Variants in ANKRD30B observed in about 807,000 individuals in gnomAD.
ANKRD30B encodes ankyrin repeat domain 30B.
Under a neutral mutation model 202.2 loss-of-function variants are expected in ANKRD30B, and 144 were observed. The ratio of observed to expected loss-of-function variants is 0.71; its 90% confidence interval spans 0.62 to 0.82. The LOEUF (loss-of-function observed/expected upper bound fraction) is 0.82. ANKRD30B is among the 40% of genes least tolerant of loss of function. ANKRD30B has a pLI of 0.00. For missense variants in ANKRD30B, 1,487 were observed against 1,669.1 expected, an observed-to-expected ratio of 0.89 and a Z score of 1.90; for synonymous variants, 508 against 561.3, an observed-to-expected ratio of 0.91 and a Z score of 1.34.
chr18:14,754,315 A>G (rs1004899452), intron 3 of ANKRD30B, among the ~76,000 whole-genome samples: 7 of 152,198 alleles, frequency 4.6e-5, no homozygotes, highest in African/African-American at 1.2e-4. Flanking sequence ...CTGAAATTCT[A>G]ATTTGTCAAA....
chr18:14,825,498 G>A (rs1030966563), intron 32 of ANKRD30B, among the ~76,000 whole-genome samples: 6 of 151,828 alleles, frequency 4.0e-5, no homozygotes, highest in Non-Finnish European at 8.8e-5. Context: ...TTAGGACCAC[G>A]TGAGTAAACA....
chr18:14,753,639 C>A (rs1913835623), intron 3 of ANKRD30B, among the ~76,000 whole-genome samples: 1 of 152,012 alleles, frequency 6.6e-6, no homozygotes, highest in African/African-American at 2.4e-5. Flanking sequence ...TACATTAATT[C>A]ATTAATACTG....
chr18:14,883,399 CTATATATATA>C, the ANKRD30B span: 1 of 37,210 alleles, frequency 2.7e-5, no homozygotes, highest in Non-Finnish European at 4.9e-5. Flanking sequence ...CTCTCTCTCT[CTATATATATA>C]TATATATATA....
intron 15 of ANKRD30B, 94 bp downstream of exon 15, chr18:14,787,194 A>G: frequency 9.2e-7 from 1 of 1,084,000 alleles, no homozygotes; most frequent in Non-Finnish European, 1.3e-6. Context: ...ACCTCTGCAT[A>G]TGTCACCCCC....
At chr18:14,837,367 T>G in intron 35 of ANKRD30B, 78 bp downstream of exon 35, 1 of 1,277,830 alleles carries the variant, frequency 7.8e-7, no homozygotes, top group Non-Finnish European at 1.1e-6. Context: ...TTTTCTATGT[T>G]TAAATGCTGT....
At chr18:14,750,831 A>T (rs1913313354) in intron 1 of ANKRD30B, among the ~76,000 whole-genome samples, 1 of 152,086 alleles carries the variant, frequency 6.6e-6, no homozygotes, top group Non-Finnish European at 1.5e-5. Flanking sequence ...ATACATACAG[A>T]CTATGGTCTT....
Position 14,763,865 on chromosome 18 carries a change from G to A in ANKRD30B, c.1000G>A (p.Glu334Lys). The change falls in exon 7 of 44, where the codon GAA becomes AAA. Residue 334 changes from glutamate to lysine, a missense_variant. Coordinates refer to ENST00000690538, the MANE Select transcript of ANKRD30B (RefSeq NM_001367607.2). Reference protein sequence around the residue: ...TSGKFEQSTEETPRKILRPTK... With the variant: ...TSGKFEQSTEKTPRKILRPTK... ...TGGAAAGTTTGAACAGTCAACAGAA[G>A]AAACACCTAGGAAAATTTTGAGGCC... 6.2e-7 allele frequency: 1 copy of A among 1,612,966 alleles called. No individual in the cohort carries two copies. Among genetic ancestry groups the A allele is most frequent in the Non-Finnish European group, 8.5e-7 (1 of 1,179,446 alleles).
chr18:14,852,492 A>G (rs1394616012), intron 42 of ANKRD30B, 72 bp downstream of exon 42: 1 of 1,459,570 alleles, frequency 6.9e-7, no homozygotes, highest in Non-Finnish European at 9.0e-7. Flanking sequence ...TGCTGAATCT[A>G]GTTGAATATA....
intron 34 of ANKRD30B, among the ~76,000 whole-genome samples, chr18:14,835,329 T>C (rs973903923): frequency 2.6e-5 from 4 of 151,492 alleles, no homozygotes; most frequent in African/African-American, 4.8e-5. Context: ...TGTTTTAAAG[T>C]AAAGTACCTA....
rs750958034 is a variant in ANKRD30B, at chr18:14,809,535, A to AC, written c.2387-445dup. Among the ~76,000 whole-genome samples, 12 of 150,414 alleles carry AC rather than the reference A, an allele frequency of 8.0e-5. 1 individual carries two copies. The highest frequency in any genetic ancestry group is 2.0e-4 in the Admixed American group (3 of 15,172). On this transcript the variant is annotated intron_variant, in intron 26 of 43. Transcript: ENST00000690538. ...CACTATCTTATCCATATGGACAGGC[A>AC]CCCCCCATGCATCTGTTTATAGGCT...
the ANKRD30B span, among the ~76,000 whole-genome samples, chr18:14,936,257 G>A: frequency 3.3e-4 from 51 of 152,308 alleles, no homozygotes; most frequent in Non-Finnish European, 6.3e-4. Flanking sequence ...TGTTGGAGGT[G>A]TTTCCCATCC....
At chr18:14,847,410 G>GT (rs1291991622) in intron 39 of ANKRD30B, among the ~76,000 whole-genome samples, 1 of 147,862 alleles carries the variant, frequency 6.8e-6, no homozygotes, top group Non-Finnish European at 1.5e-5. Context: ...TTCTTCAGAT[G>GT]TTTTTTCTGT....
In ANKRD30B at chr18:14,764,009, A is replaced by G; in HGVS notation, c.1144A>G (p.Lys382Glu). ...ATGCGTGGCAGGAGTAACACCTAAT[A>G]AAACTGAAGTTTTGGAAAAAGGAAC... ...TECVAGVTPNKTEVLEKGTSN... is the reference protein window; with the variant it reads ...TECVAGVTPNETEVLEKGTSN... The change falls in exon 7 of 44, where the codon AAA (lysine) becomes GAA (glutamate). Residue 382 changes from lysine to glutamate, a missense_variant. By Grantham distance (56) the Lys-to-Glu change is moderately conservative. Transcript: ENST00000690538. 7.0e-6 allele frequency: 11 copies of G among 1,577,134 alleles called. No homozygotes were observed. Among genetic ancestry groups the G allele is most frequent in the African/African-American group, 1.4e-5 (1 of 72,434 alleles).
At chr18:14,769,121 A>G (rs1003417458) in intron 7 of ANKRD30B, among the ~76,000 whole-genome samples, 7 of 152,208 alleles carry the variant, frequency 4.6e-5, no homozygotes, top group Admixed American at 1.3e-4. Context: ...GATCTGGATC[A>G]TGCACGAAAA....
intron 4 of ANKRD30B, 137 bp from the exon 5 acceptor site, chr18:14,757,675 TTGG>T: frequency 1.1e-6 from 1 of 895,176 alleles, no homozygotes; most frequent in South Asian, 2.3e-5. Flanking sequence ...CCTTTTAGAT[TTGG>T]TGGTGATTTG....
chr18:14,837,098 T>TG (rs1555670092), intron 34 of ANKRD30B, 113 bp from the exon 35 acceptor site: 1 of 655,836 alleles, frequency 1.5e-6, no homozygotes, highest in African/African-American at 1.9e-5. Context: ...AAGTATGTTT[T>TG]TTGTTGTTGT....
At position 14,748,191 on chromosome 18, in the gene ANKRD30B, G is replaced by T; in HGVS notation, c.-229G>T. The T allele has an allele frequency of 2.3e-6, 1 of 426,110 alleles. No individual in the cohort carries two copies. The highest frequency in any genetic ancestry group is 4.0e-5 in the Admixed American group (1 of 25,142). 26.4% of individuals were successfully genotyped at this position (426,110 alleles called of 1,614,324 possible). A position where few individuals can be genotyped will look rare whatever the true frequency, so the allele number is the denominator to read the frequency against. The stretch of plus-strand genomic sequence containing the variant: ...GCTGCTGTAACGCTCTAACGTTAGA[G>T]CAGCTAACGGCTCTGCTCAGAATTT... On this transcript the variant is annotated 5_prime_UTR_variant, in exon 1 of 44. Coordinates refer to ENST00000690538, the MANE Select transcript of ANKRD30B (RefSeq NM_001367607.2).
At chr18:14,754,695 G>A (rs1192051180) in intron 3 of ANKRD30B, among the ~76,000 whole-genome samples, 1 of 152,144 alleles carries the variant, frequency 6.6e-6, no homozygotes, top group Non-Finnish European at 1.5e-5. Flanking sequence ...CAGAATTAAT[G>A]TGGTGATGCA....
intron 15 of ANKRD30B, among the ~76,000 whole-genome samples, chr18:14,790,994 G>A (rs1404301182): frequency 6.6e-6 from 1 of 152,180 alleles, no homozygotes; most frequent in Non-Finnish European, 1.5e-5. Context: ...ACCTCTGGAA[G>A]AATTCGGCTG....
Sources: allele counts gnomAD v4.1 joint callset (sites outside exome capture counted in the v4.1 genomes callset), GRCh38; gene constraint gnomAD v4.1.1; transcripts MANE v1.5; gene names NCBI Gene and HGNC (gene_info 2026-07-23, HGNC 2026-07-21).